Variants in KCNIP4 observed in about 807,000 individuals in gnomAD.
KCNIP4 encodes potassium voltage-gated channel interacting protein 4.
In KCNIP4, 12 loss-of-function variants were observed where a neutral mutation model predicts 34.0. That is an observed-to-expected ratio of 0.35 (90% CI 0.23 to 0.57). KCNIP4 has a LOEUF of 0.57. Among genes scored for constraint, KCNIP4 ranks in the 20% least tolerant of loss-of-function variants. KCNIP4 has a pLI of 0.83. For missense variants in KCNIP4, 238 were observed against 311.7 expected (o/e 0.76, Z 1.78); for synonymous variants, 124 against 102.2 (o/e 1.21, Z -1.29).
At chr4:21,691,366 G>C (rs1347356224) in intron 1 of KCNIP4, among the ~76,000 whole-genome samples, 4 of 152,032 alleles carry the variant, frequency 2.6e-5, no homozygotes, top group African/African-American at 9.7e-5. Context: ...CTAGACACAG[G>C]TTTCCTCTCC....
chr4:21,068,803 A>G (rs1247202123), intron 1 of KCNIP4, among the ~76,000 whole-genome samples: 1 of 152,208 alleles, frequency 6.6e-6, no homozygotes, highest in Non-Finnish European at 1.5e-5. Flanking sequence ...ATGAGGTAAG[A>G]CCCACAACAG....
chr4:21,498,018 G>A (rs1228730492), intron 1 of KCNIP4, among the ~76,000 whole-genome samples: 1 of 151,994 alleles, frequency 6.6e-6, no homozygotes, highest in Non-Finnish European at 1.5e-5. Flanking sequence ...AATTTGAATT[G>A]CCATACTCCT....
chr4:20,829,483 A>G (rs1205600342), intron 3 of KCNIP4, among the ~76,000 whole-genome samples: 1 of 152,166 alleles, frequency 6.6e-6, no homozygotes, highest in Non-Finnish European at 1.5e-5. Context: ...TTGGGATTAC[A>G]GGCGTGAGCC....
chr4:21,579,542 C>A (rs1741039117), intron 1 of KCNIP4, among the ~76,000 whole-genome samples: 1 of 152,058 alleles, frequency 6.6e-6, no homozygotes, highest in African/African-American at 2.4e-5. Context: ...TCCATTCATG[C>A]ATTTGTTTAT....
intron 1 of KCNIP4, among the ~76,000 whole-genome samples, chr4:20,942,570 A>G (rs1401586121): frequency 2.0e-5 from 3 of 152,370 alleles, no homozygotes; most frequent in South Asian, 2.1e-4. Flanking sequence ...CACAGTGCTC[A>G]GATAAGGAAA....
chr4:21,763,674 G>A (rs1718208733), intron 1 of KCNIP4, among the ~76,000 whole-genome samples: 1 of 152,020 alleles, frequency 6.6e-6, no homozygotes, highest in Non-Finnish European at 1.5e-5. Context: ...CTCAGCAAAA[G>A]GAAATAAAGA....
chr4:21,252,683 C>A (rs1315493380), intron 1 of KCNIP4, among the ~76,000 whole-genome samples: 1 of 151,556 alleles, frequency 6.6e-6, no homozygotes, highest in Non-Finnish European at 1.5e-5. Flanking sequence ...CATCATGACC[C>A]TGATAGAAAA....
At chr4:21,196,958 G>C (rs1756099284) in intron 1 of KCNIP4, among the ~76,000 whole-genome samples, 1 of 152,018 alleles carries the variant, frequency 6.6e-6, no homozygotes, top group Non-Finnish European at 1.5e-5. Context: ...CTCAATCTCT[G>C]CACCTTCTAT....
In KCNIP4 at chr4:21,412,293, C is replaced by T. The variant is rs773085388; in HGVS notation, c.62-529584G>A. Among the ~76,000 whole-genome samples, 89 of 152,288 alleles carry T rather than the reference C, an allele frequency of 5.8e-4. 1 individual carries two copies. Among genetic ancestry groups the T allele is most frequent in the Non-Finnish European group, 7.9e-4 (54 of 68,024 alleles). ...TTGAAAACCTGCGATCCCATTGCAT[C>T]TCATGAAAAAGCCCTCTGATCCTTT... On this transcript the variant is annotated intron_variant, in intron 1 of 8. Coordinates refer to ENST00000382152, the MANE Select transcript of KCNIP4 (RefSeq NM_025221.6).
At chr4:20,751,241 A>G (rs559887625) in intron 4 of KCNIP4, among the ~76,000 whole-genome samples, 63 of 152,328 alleles carry the variant, frequency 4.1e-4, no homozygotes, top group African/African-American at 1.4e-3. Context: ...ACTAACCAAG[A>G]ACCAAAATTG....
chr4:20,941,430 A>G (rs79558178), intron 1 of KCNIP4, among the ~76,000 whole-genome samples: 8,202 of 152,296 alleles, frequency 0.054, 498 homozygotes, highest in African/African-American at 0.16. Flanking sequence ...TCTGCTTCTT[A>G]ATAGAAAAGC....
At chr4:21,148,508 G>A (rs188175350) in intron 1 of KCNIP4, among the ~76,000 whole-genome samples, 45 of 152,126 alleles carry the variant, frequency 3.0e-4, no homozygotes, top group East Asian at 9.6e-4. Context: ...TGCTTACACC[G>A]TTCTGACATA....
chr4:21,599,973 A>T (rs1448940968), intron 1 of KCNIP4, among the ~76,000 whole-genome samples: 1 of 152,108 alleles, frequency 6.6e-6, no homozygotes, highest in Non-Finnish European at 1.5e-5. Flanking sequence ...TCAGTAATAA[A>T]TATCATTTTC....
intron 1 of KCNIP4, among the ~76,000 whole-genome samples, chr4:21,296,521 C>T (rs2109226621): frequency 6.6e-6 from 1 of 151,012 alleles, no homozygotes; most frequent in South Asian, 2.1e-4. Flanking sequence ...CTATATTAAT[C>T]CACAAAACAA....
chr4:21,211,223 T>G (rs914813992), intron 1 of KCNIP4, among the ~76,000 whole-genome samples: 1 of 152,228 alleles, frequency 6.6e-6, no homozygotes, highest in Non-Finnish European at 1.5e-5. Context: ...TAAGTTATTA[T>G]TTCTCCCATA....
At position 20,861,972 on chromosome 4, in the gene KCNIP4, T is replaced by TATTATTATC. The variant is rs1404150760; in HGVS notation, c.164-11306_164-11305insGATAATAAT. On this transcript the variant is annotated intron_variant, in intron 2 of 8. Transcript: ENST00000382152. ...ATGAATGGCCCCTTATGGTAGGAGT[T>TATTATTATC]ATTATTATTATTATTATTATTATTA... Among the ~76,000 whole-genome samples the TATTATTATC allele has an allele frequency of 9.2e-5, 6 of 65,126 alleles. No individual in the cohort carries two copies. In the East Asian group the frequency reaches 3.1e-3, roughly 34 times the overall value. 42.7% of individuals were successfully genotyped at this position (65,126 alleles called of 152,430 possible). A position where few individuals can be genotyped will look rare whatever the true frequency, so the allele number is the denominator to read the frequency against.
At chr4:21,625,807 G>C (rs1745279117) in intron 1 of KCNIP4, among the ~76,000 whole-genome samples, 1 of 152,158 alleles carries the variant, frequency 6.6e-6, no homozygotes, top group African/African-American at 2.4e-5. Context: ...ATTGCTGACT[G>C]TGTGACACAG....
rs1446452817 is a variant in KCNIP4 at position 20,732,867 on chromosome 4, C to T, written c.538-82G>A. Reference sequence around the variant, plus strand: ...AAGAAGCTCTGACAGATTTTTCCTACTCAATTTTAAATTTTTGACTTTTTG... The same window carrying T: ...AAGAAGCTCTGACAGATTTTTCCTATTCAATTTTAAATTTTTGACTTTTTG... On this transcript the variant is annotated intron_variant, in intron 6 of 8. Transcript: ENST00000382152. 3.1e-5 allele frequency: 26 copies of T among 839,072 alleles called. No homozygotes were observed. The East Asian group carries it at 6.9e-4, about 22-fold the overall frequency. The allele number at this position is 839,072 out of a possible 1,614,324, so 52.0% of individuals were successfully genotyped here. A position where few individuals can be genotyped will look rare whatever the true frequency, so the allele number is the denominator to read the frequency against.
At chr4:21,604,712 G>T (rs2109129246) in intron 1 of KCNIP4, among the ~76,000 whole-genome samples, 1 of 152,224 alleles carries the variant, frequency 6.6e-6, no homozygotes, top group Non-Finnish European at 1.5e-5. Context: ...ATATAAATTG[G>T]ATGCTATTTG....
Sources: allele counts gnomAD v4.1 joint callset (sites outside exome capture counted in the v4.1 genomes callset), GRCh38; gene constraint gnomAD v4.1.1; transcripts MANE v1.5; gene names NCBI Gene and HGNC (gene_info 2026-07-23, HGNC 2026-07-21).